Variants in TAF9B observed in about 807,000 individuals in gnomAD.
The protein encoded by TAF9B is TATA-box binding protein associated factor 9b.
TAF9B carries 47 observed loss-of-function variants against 17.6 expected under a neutral mutation model. The observed-to-expected ratio is 2.68, with a 90% CI of 2.12 to 3.41. The LOEUF is 3.41. TAF9B is among the 30% of genes most tolerant of loss of function. The probability of loss-of-function intolerance (pLI) is 0.00; values close to 1 mark genes in which losing one functional copy is unlikely to be tolerated. For missense variants in TAF9B, 218 were observed against 189.3 expected, an observed-to-expected ratio of 1.15 and a Z score of -0.89; for synonymous variants, 84 against 68.7, an observed-to-expected ratio of 1.22 and a Z score of -1.10.
chrX:78,132,851 C>T (rs1207962746), intron 6 of TAF9B, among the ~76,000 whole-genome samples: 1 of 110,456 alleles, frequency 9.1e-6, no homozygotes, highest in Non-Finnish European at 1.9e-5. Context: ...AATACTCTTT[C>T]CCTCCTCCCC....
intron 6 of TAF9B, among the ~76,000 whole-genome samples, chrX:78,132,423 T>C (rs1227013779): frequency 8.9e-6 from 1 of 111,860 alleles, no homozygotes; most frequent in Non-Finnish European, 1.9e-5. Flanking sequence ...AATTTAGTCA[T>C]GGGAAACTGC....
At chrX:78,138,817 A>C in intron 2 of TAF9B, 26 bp downstream of exon 2, 1 of 1,078,281 alleles carries the variant, frequency 9.3e-7, no homozygotes, top group Middle Eastern at 2.5e-4. Flanking sequence ...CAAGTTAGGC[A>C]AGTTTTTGGT....
intron 6 of TAF9B, 76 bp downstream of exon 6, chrX:78,133,262 C>G: frequency 3.5e-6 from 3 of 854,283 alleles, no homozygotes; most frequent in East Asian, 3.2e-5. Context: ...CAATTTACCT[C>G]TTGCTATAGG....
chrX:78,139,560 C>G lies in TAF9B; in HGVS notation c.51+1G>C, dbSNP rs1375750405. 3 of 1,212,136 alleles carry G rather than the reference C, an allele frequency of 2.5e-6. No individual in the cohort carries two copies. The highest frequency in any genetic ancestry group is 3.3e-6 in the Non-Finnish European group (3 of 895,530). ...ATCCGCGGCTTATCCTTCGCACTTA[C>G]CAAGGCATCTCTCGGAGCGTTCTTG... On this transcript the variant is annotated splice_donor_variant, in intron 1 of 6. Transcript: ENST00000341864. LOFTEE classifies it high-confidence loss of function.
intron 5 of TAF9B, among the ~76,000 whole-genome samples, chrX:78,135,882 T>A (rs1490541480): frequency 8.9e-6 from 1 of 112,008 alleles, no homozygotes; most frequent in Non-Finnish European, 1.9e-5. Context: ...ATAATGCAGA[T>A]TTCTGTCCAC....
chrX:78,133,323 T>C lies in TAF9B; in HGVS notation c.592+15A>G, dbSNP rs782399289. The C allele has an allele frequency of 2.3e-5, 27 of 1,166,342 alleles. No homozygotes were observed. The highest frequency in any genetic ancestry group is 3.2e-5 in the Non-Finnish European group (27 of 856,255). ...ATTATTCACAAATTCTGTCCCCCAC[T>C]CCCAATCACATTACCTGGTTTGACA... On this transcript the variant is annotated intron_variant, in intron 6 of 6. Transcript: ENST00000341864.
In TAF9B at chrX:78,138,071, G is replaced by A; in HGVS notation, c.161C>T (p.Ala54Val). The A allele has an allele frequency of 3.3e-6, 4 of 1,204,977 alleles. No individual in the cohort carries two copies. Among genetic ancestry groups the A allele is most frequent in the Non-Finnish European group, 2.2e-6 (2 of 893,340 alleles). Reference protein sequence around the residue: ...FRYVTTILDDAKIYSSHAKKP... With the variant: ...FRYVTTILDDVKIYSSHAKKP... ...CTTAGCATGGCTCGAATAAATTTTTGCATCATCCAGAATTGTAGTCACATA... is the reference window on the plus strand; with the variant it reads ...CTTAGCATGGCTCGAATAAATTTTTACATCATCCAGAATTGTAGTCACATA... Residue 54 changes from alanine to valine, a missense_variant, in exon 3 of 7, where the codon GCA (alanine) becomes GTA (valine). By Grantham distance (64) the Ala-to-Val change is moderately conservative (BLOSUM62 0). Coordinates refer to ENST00000341864, the MANE Select transcript of TAF9B (RefSeq NM_015975.5).
At chrX:78,138,986 A>C (rs2078445575) in intron 1 of TAF9B, 62 bp from the exon 2 acceptor site, 1 of 878,196 alleles carries the variant, frequency 1.1e-6, no homozygotes, top group Non-Finnish European at 1.7e-6. Context: ...GGCTGCACTG[A>C]AGGGTAGTAT....
chrX:78,132,580 A>C (rs1557249623), intron 6 of TAF9B, among the ~76,000 whole-genome samples: 1 of 107,859 alleles, frequency 9.3e-6, no homozygotes, highest in African/African-American at 3.4e-5. Flanking sequence ...ACATTAGTAA[A>C]CTGTGCTATG....
rs2078402621 is a variant in TAF9B at position 78,130,040 on chromosome X, A to AT, written c.*1569dup. 1 of 112,106 alleles carries AT rather than the reference A, an allele frequency of 8.9e-6. No individual in the cohort carries two copies. The highest frequency in any genetic ancestry group is 3.7e-4 in the South Asian group (1 of 2,707). The allele number at this position is 112,106 out of a possible 1,213,427, so 9.2% of individuals were successfully genotyped here. On this transcript the variant is annotated 3_prime_UTR_variant, in exon 7 of 7. Transcript: ENST00000341864. Reference sequence around the variant, plus strand: ...TAATATCCTATGCTATATAATGAATATTTATCTCCTATGATGTTGATCAGG... The same window carrying AT: ...TAATATCCTATGCTATATAATGAATATTTTATCTCCTATGATGTTGATCAGG...
At position 78,130,946 on chromosome X, in the gene TAF9B, CTG is replaced by C. The variant is rs1291346557; in HGVS notation, c.*662_*663del. ...ATGTTTTAAAAATAGGAAAATGACA[CTG>C]AGCTGTATTACCAGGAATAATATTT... On this transcript the variant is annotated 3_prime_UTR_variant, in exon 7 of 7. Transcript: ENST00000341864. 8.9e-6 allele frequency: 1 copy of C among 111,752 alleles called. No individual in the cohort carries two copies. Among genetic ancestry groups the C allele is most frequent in the Admixed American group, 9.5e-5 (1 of 10,485 alleles). The allele number at this position is 111,752 out of a possible 1,213,427, so 9.2% of individuals were successfully genotyped here.
intron 5 of TAF9B, among the ~76,000 whole-genome samples, chrX:78,136,389 C>G (rs1260423163): frequency 8.9e-6 from 1 of 111,841 alleles, no homozygotes; most frequent in East Asian, 2.8e-4. Flanking sequence ...GATGCAGATA[C>G]GTCAAAAGGA....
chrX:78,133,208 C>T (rs2078420978), intron 6 of TAF9B, 130 bp downstream of exon 6: 2 of 498,107 alleles, frequency 4.0e-6, no homozygotes, highest in African/African-American at 2.4e-5. Context: ...TCTGAAGAAC[C>T]CTCATTTGCA....
intron 4 of TAF9B, among the ~76,000 whole-genome samples, 192 bp downstream of exon 4, chrX:78,137,557 T>C (rs1392848444): frequency 1.4e-4 from 16 of 111,743 alleles, no homozygotes; most frequent in African/African-American, 4.6e-4. Flanking sequence ...TGCTTCCTGA[T>C]GTGAAAAATG....
chrX:78,135,518 C>T (rs1336564724), intron 5 of TAF9B, among the ~76,000 whole-genome samples: 2 of 109,553 alleles, frequency 1.8e-5, no homozygotes, highest in African/African-American at 3.3e-5. Flanking sequence ...TTGCTTGAAC[C>T]CAGGAGGCAG....
intron 5 of TAF9B, among the ~76,000 whole-genome samples, chrX:78,135,503 G>A (rs782670841): frequency 9.2e-6 from 1 of 109,258 alleles, no homozygotes; most frequent in African/African-American, 3.3e-5. Context: ...GCTGAGGCAG[G>A]AGAATTGCTT....
rs1557249220 is a variant in TAF9B at position 78,129,937 on chromosome X, A to G, written c.*1673T>C. 1 of 112,252 alleles carries G rather than the reference A, an allele frequency of 8.9e-6. No individual in the cohort carries two copies. The highest frequency in any genetic ancestry group is 1.9e-5 in the Non-Finnish European group (1 of 53,218). The allele number at this position is 112,252 out of a possible 1,213,427, so 9.3% of individuals were successfully genotyped here. On this transcript the variant is annotated 3_prime_UTR_variant, in exon 7 of 7. Coordinates refer to ENST00000341864, the MANE Select transcript of TAF9B (RefSeq NM_015975.5). ...CAAGGCTAAGAGGTGAAGTAAGGTC[A>G]CACAGTTGGTAAATGATGGAGCTAG...
chrX:78,139,468 G>T, intron 1 of TAF9B, 93 bp downstream of exon 1: 1 of 1,146,087 alleles, frequency 8.7e-7, no homozygotes, highest in Non-Finnish European at 1.2e-6. Context: ...AAACGAGCGT[G>T]CGAGCCGACC....
In TAF9B at chrX:78,133,320, C is replaced by CA. The variant is rs782044006; in HGVS notation, c.592+17dup. ...CAAATTATTCACAAATTCTGTCCCC[C>CA]ACTCCCAATCACATTACCTGGTTTG... On this transcript the variant is annotated intron_variant, in intron 6 of 6. Coordinates refer to ENST00000341864, the MANE Select transcript of TAF9B (RefSeq NM_015975.5). 1.8e-6 allele frequency: 2 copies of CA among 1,137,866 alleles called. No individual in the cohort carries two copies. The highest frequency in any genetic ancestry group is 3.6e-5 in the South Asian group (2 of 54,835). The allele number at this position is 1,137,866 out of a possible 1,213,427, so 93.8% of individuals were successfully genotyped here.
Sources: gnomAD v4.1 joint callset for allele counts (sites outside exome capture counted in the v4.1 genomes callset) on GRCh38, gnomAD v4.1.1 for gene constraint, MANE v1.5 for transcripts, NCBI Gene and HGNC (gene_info 2026-07-23, HGNC 2026-07-21) for gene names.